FAM234A: variants seen among roughly 807,000 people sequenced by gnomAD.
FAM234A encodes protein FAM234A.
Under a neutral mutation model 49.1 loss-of-function variants are expected in FAM234A, and 42 were observed. That is an observed-to-expected ratio of 0.86 (90% confidence interval 0.67 to 1.11). The LOEUF (loss-of-function observed/expected upper bound fraction) is 1.11. Among genes scored for constraint, FAM234A ranks in the 50% least tolerant of loss-of-function variants. The probability of loss-of-function intolerance (pLI) is 0.00; values close to 1 mark genes in which losing one functional copy is unlikely to be tolerated. For synonymous variants in FAM234A, 369 were observed against 316.2 expected (o/e 1.17, Z -1.77); for missense variants, 815 against 745.2 (o/e 1.09, Z -1.09).
downstream of FAM234A, among the ~76,000 whole-genome samples, chr16:266,674 C>T (rs1004370278): frequency 9.2e-5 from 14 of 152,120 alleles, no homozygotes; most frequent in African/African-American, 2.4e-4. Context: ...GGTAGGGGGA[C>T]GTGGGGGATG....
chr16:249,613 G>A lies in FAM234A; in HGVS notation c.-75G>A, dbSNP rs2050926687. 1 of 152,058 alleles carries A rather than the reference G, an allele frequency of 6.6e-6. No homozygotes were observed. The highest frequency in any genetic ancestry group is 1.5e-5 in the Non-Finnish European group (1 of 68,074). The allele number at this position is 152,058 out of a possible 1,614,324, so 9.4% of individuals were successfully genotyped here. On this transcript the variant is annotated 5_prime_UTR_variant, in exon 2 of 13. Transcript: ENST00000399932. ...AGCTCACGACCAGATGCACCAGCAG[G>A]AGTCCACATCGAGGACGTCCTCCGG...
At chr16:243,454 C>G (rs1382636308) in intron 1 of FAM234A, among the ~76,000 whole-genome samples, 3 of 152,120 alleles carry the variant, frequency 2.0e-5, no homozygotes, top group Non-Finnish European at 4.4e-5. Context: ...CAGTCAGGTT[C>G]CTGAAGCTCT....
At chr16:262,660 G>A (rs763931569) in intron 8 of FAM234A, 107 bp downstream of exon 8, 178 of 1,198,424 alleles carry the variant, frequency 1.5e-4, no homozygotes, top group Middle Eastern at 3.0e-4. Flanking sequence ...CAGCCCCACC[G>A]GCAGGGAGGT....
chr16:242,495 C>T lies in FAM234A; in HGVS notation c.-139-7054C>T, dbSNP rs4984856. On this transcript the variant is annotated intron_variant, in intron 1 of 12. Transcript: ENST00000399932. ...TCCCAAAATGCTGGGTTTATAGGCACGAGTCACCGCGGGCTTACTGATAGT... is the reference window on the plus strand; with the variant it reads ...TCCCAAAATGCTGGGTTTATAGGCATGAGTCACCGCGGGCTTACTGATAGT... 5.3e-3 allele frequency among the ~76,000 whole-genome samples: 811 copies of T among 151,830 alleles called. 21 individuals are homozygous for T. The highest frequency in any genetic ancestry group is 0.05 in the Admixed American group (755 of 15,206).
chr16:252,340 C>T (rs538037555), intron 2 of FAM234A, among the ~76,000 whole-genome samples: 1 of 152,054 alleles, frequency 6.6e-6, no homozygotes, highest in South Asian at 2.1e-4. Context: ...CGCCACCATG[C>T]CCAGCTAATT....
chr16:262,621 C>A, intron 8 of FAM234A, 68 bp downstream of exon 8: 4 of 1,468,652 alleles, frequency 2.7e-6, no homozygotes, highest in Non-Finnish European at 3.6e-6. Context: ...CCTGCCTCAG[C>A]GTTCGGACAA....
intron 1 of FAM234A, among the ~76,000 whole-genome samples, chr16:246,066 G>A (rs1370280279): frequency 6.6e-6 from 1 of 151,226 alleles, no homozygotes; most frequent in Non-Finnish European, 1.5e-5. Context: ...AGCTGGGTGC[G>A]GTGGTGGGTG....
chr16:256,740 AT>A (rs373856766), intron 3 of FAM234A, among the ~76,000 whole-genome samples: 3,477 of 113,720 alleles, frequency 0.031, 48 homozygotes, highest in South Asian at 0.052. Context: ...TGCCTGGCTA[AT>A]TTTTTTTTTT....
At chr16:266,964 A>G (rs2051710157), downstream of FAM234A, among the ~76,000 whole-genome samples, 1 of 152,006 alleles carries the variant, frequency 6.6e-6, no homozygotes, top group African/African-American at 2.4e-5. Flanking sequence ...GCCCCTGGCC[A>G]TGGAGGGGTG....
At chr16:269,936 G>A, downstream of FAM234A, 1 of 232,576 alleles carries the variant, frequency 4.3e-6, no homozygotes, top group South Asian at 7.7e-5. Flanking sequence ...AAACAAGGTA[G>A]GCCACGCATG....
chr16:263,831 G>C, intron 10 of FAM234A, 56 bp downstream of exon 10: 1 of 1,498,848 alleles, frequency 6.7e-7, no homozygotes, highest in South Asian at 1.1e-5. Flanking sequence ...GGATAGACTG[G>C]TCTGAAAGCA....
At chr16:262,965 G>A (rs183212614) in intron 8 of FAM234A, among the ~76,000 whole-genome samples, 7 of 151,926 alleles carry the variant, frequency 4.6e-5, no homozygotes, top group African/African-American at 7.2e-5. Context: ...GATTACAGGC[G>A]CGCACCTCCA....
chr16:263,472 C>A, intron 9 of FAM234A, 70 bp downstream of exon 9: 1 of 1,579,880 alleles, frequency 6.3e-7, no homozygotes, highest in Non-Finnish European at 8.6e-7. Flanking sequence ...ATCCCGTTGG[C>A]TGGCGAGGAG....
chr16:247,633 A>G (rs1168768107), intron 1 of FAM234A, among the ~76,000 whole-genome samples: 1 of 151,432 alleles, frequency 6.6e-6, no homozygotes, highest in African/African-American at 2.4e-5. Flanking sequence ...GGGTTTCACC[A>G]TGTTGGCCAG....
At chr16:244,901 A>G (rs1175152733) in intron 1 of FAM234A, among the ~76,000 whole-genome samples, 2 of 151,366 alleles carry the variant, frequency 1.3e-5, no homozygotes, top group African/African-American at 4.8e-5. Context: ...CATGTTGGTC[A>G]GGCTGGTCTC....
At position 260,503 on chromosome 16, in the gene FAM234A, C is replaced by A. The variant is rs567328705; in HGVS notation, c.577+343C>A. On this transcript the variant is annotated intron_variant, in intron 5 of 12. Transcript: ENST00000399932. Reference sequence around the variant, plus strand: ...CTGGGGTGTCAGTGGTGGCAGTGCCCAGGGCGAGCCCAGAACATGAACCAG... The same window carrying A: ...CTGGGGTGTCAGTGGTGGCAGTGCCAAGGGCGAGCCCAGAACATGAACCAG... The A allele has an allele frequency of 2.1e-4, 101 of 492,486 alleles. No individual in the cohort carries two copies. The East Asian group carries it at 5.7e-3, about 28-fold the overall frequency. The allele number at this position is 492,486 out of a possible 1,614,324, so 30.5% of individuals were successfully genotyped here.
intron 2 of FAM234A, among the ~76,000 whole-genome samples, chr16:251,790 T>C (rs1156460680): frequency 7.1e-6 from 1 of 140,794 alleles, no homozygotes; most frequent in African/African-American, 2.7e-5. Flanking sequence ...GATCACGAGG[T>C]CAGGAGATCG....
chr16:260,927 G>A (rs1261082707), intron 5 of FAM234A: 2 of 321,084 alleles, frequency 6.2e-6, no homozygotes, highest in Non-Finnish European at 1.2e-5. Context: ...GTGGAGGGCA[G>A]ATGAAGGGGC....
rs769800439 is a variant in FAM234A, at chr16:262,505, A to G, written c.923A>G (p.His308Arg). Residue 308 changes from histidine to arginine, a missense_variant, in exon 8 of 13, where the codon CAC (histidine) becomes CGC (arginine). Coordinates refer to ENST00000399932, the MANE Select transcript of FAM234A (RefSeq NM_032039.4). ...GSGGPFKSDP[H>R]WESMLNATTR... Reference sequence around the variant, plus strand: ...GGCGGCCCGTTCAAGAGTGACCCGCACTGGGAGAGCATGCTCAATGCCACC... The same window carrying G: ...GGCGGCCCGTTCAAGAGTGACCCGCGCTGGGAGAGCATGCTCAATGCCACC... 68 of 1,612,244 alleles carry G rather than the reference A, an allele frequency of 4.2e-5. No homozygotes were observed. The Admixed American group carries it at 1.0e-3, about 24-fold the overall frequency.
Sources: allele counts gnomAD v4.1 joint callset (sites outside exome capture counted in the v4.1 genomes callset), GRCh38; gene constraint gnomAD v4.1.1; transcripts MANE v1.5; gene names NCBI Gene and HGNC (gene_info 2026-07-23, HGNC 2026-07-21).